The following WWOX variants were observed in gnomAD, a reference collection of about 807,000 sequenced individuals.
The protein encoded by WWOX is WW domain containing oxidoreductase.
WWOX carries 69 observed loss-of-function variants against 46.2 expected under a neutral mutation model. The ratio of observed to expected loss-of-function variants is 1.49; its 90% CI spans 1.23 to 1.82. The LOEUF is 1.82. Among genes scored for constraint, WWOX ranks in the 40% most tolerant of loss-of-function variants. The probability of loss-of-function intolerance (pLI) is 0.00; values close to 1 mark genes in which losing one functional copy is unlikely to be tolerated. For synonymous variants in WWOX, 359 were observed against 202.6 expected (o/e 1.77, Z -6.56); for missense variants, 919 against 542.6 (o/e 1.69, Z -6.89).
intron 4 of WWOX, 73 bp downstream of exon 4, chr16:78,115,227 A>G: frequency 1.3e-6 from 2 of 1,580,700 alleles, no homozygotes; most frequent in Non-Finnish European, 1.7e-6. Context: ...CTATAATGGA[A>G]TTTTGTTTAG....
rs529461129 is a variant in WWOX at position 78,905,164 on chromosome 16, C to T, written c.1057-306444C>T. The stretch of plus-strand genomic sequence containing the variant: ...CTGACCCTCTATGAGGGGTTATACC[C>T]CTGGACACCAAGCTGCTGGCCTGAG... On this transcript the variant is annotated intron_variant, in intron 8 of 8. Transcript: ENST00000566780. Among the ~76,000 whole-genome samples, 3 of 152,186 alleles carry T rather than the reference C, an allele frequency of 2.0e-5. No homozygotes were observed. The South Asian group carries it at 6.2e-4, about 32-fold the overall frequency.
At chr16:78,500,603 G>C (rs1022650877) in intron 8 of WWOX, among the ~76,000 whole-genome samples, 8 of 152,104 alleles carry the variant, frequency 5.3e-5, no homozygotes, top group Non-Finnish European at 1.0e-4. Flanking sequence ...ACTGAGGGTA[G>C]GGTAGGTAGA....
At chr16:78,658,314 T>G (rs2047127126) in intron 8 of WWOX, among the ~76,000 whole-genome samples, 1 of 152,192 alleles carries the variant, frequency 6.6e-6, no homozygotes, top group Non-Finnish European at 1.5e-5. Context: ...AATAATAATA[T>G]AAACTACTAC....
intron 8 of WWOX, among the ~76,000 whole-genome samples, chr16:78,721,739 A>G (rs2048696697): frequency 6.6e-6 from 1 of 152,216 alleles, no homozygotes; most frequent in South Asian, 2.1e-4. Context: ...TTTTCTGGGA[A>G]TCGAATGAGA....
chr16:78,934,722 C>T (rs973551767), intron 8 of WWOX, among the ~76,000 whole-genome samples: 6 of 152,076 alleles, frequency 3.9e-5, no homozygotes, highest in African/African-American at 1.4e-4. Flanking sequence ...AGTGGGGCCA[C>T]AGCAGATTTA....
At chr16:78,360,599 AGTTGC>A (rs1567523917) in intron 5 of WWOX, among the ~76,000 whole-genome samples, 131 of 132,532 alleles carry the variant, frequency 9.9e-4, no homozygotes, top group African/African-American at 1.4e-3. Flanking sequence ...AAAAAAAAAA[AGTTGC>A]AGAAATAGCA....
chr16:79,166,098 C>T lies in WWOX; in HGVS notation c.1057-45510C>T, dbSNP rs576194836. The stretch of plus-strand genomic sequence containing the variant: ...GACCAGCTTTACCTCCCAGCGTAGT[C>T]TTCAGACAAGTTGGGGTATTGCCGA... On this transcript the variant is annotated intron_variant, in intron 8 of 8. Transcript: ENST00000566780. Among the ~76,000 whole-genome samples, 9 of 152,342 alleles carry T rather than the reference C, an allele frequency of 5.9e-5. No individual in the cohort carries two copies. The South Asian group carries it at 1.0e-3, about 18-fold the overall frequency.
intron 5 of WWOX, chr16:78,268,997 G>A (rs1416596322): frequency 6.6e-6 from 1 of 152,038 alleles, no homozygotes; most frequent in Admixed American, 6.5e-5. Flanking sequence ...ACATATATAA[G>A]ATTTTGTTCT....
At chr16:78,390,627 A>G (rs2082156602) in intron 6 of WWOX, among the ~76,000 whole-genome samples, 1 of 152,154 alleles carries the variant, frequency 6.6e-6, no homozygotes, top group African/African-American at 2.4e-5. Context: ...CCAAAGTGAA[A>G]TCTCTCTTGG....
chr16:78,440,160 A>G (rs2083413164), intron 8 of WWOX, among the ~76,000 whole-genome samples: 1 of 152,186 alleles, frequency 6.6e-6, no homozygotes, highest in African/African-American at 2.4e-5. Flanking sequence ...ATACGTATGT[A>G]CATATTTTAA....
Position 78,332,766 on chromosome 16 carries a change from TGCATTCA to T in WWOX, c.517-54092_517-54086del, listed in dbSNP as rs1345463110. On this transcript the variant is annotated intron_variant, in intron 5 of 8. Transcript: ENST00000566780. ...AGTGTGCCTTTTGCTCTGTTAAGTG[TGCATTCA>T]GAACTTTACTAACATGGGTTCCACA... 2.2e-4 allele frequency among the ~76,000 whole-genome samples: 33 copies of T among 152,132 alleles called. 2 individuals carry two copies. The highest frequency in any genetic ancestry group is 6.5e-5 in the Admixed American group (1 of 15,272).
chr16:78,121,643 C>G (rs911974053), intron 4 of WWOX, among the ~76,000 whole-genome samples: 1 of 151,464 alleles, frequency 6.6e-6, no homozygotes, highest in Non-Finnish European at 1.5e-5. Flanking sequence ...ATACAGTAGT[C>G]CCCCCTTATC....
chr16:79,045,652 C>T (rs1567511528), intron 8 of WWOX, among the ~76,000 whole-genome samples: 2 of 152,066 alleles, frequency 1.3e-5, no homozygotes, highest in Admixed American at 1.3e-4. Context: ...CTGAGTTTTG[C>T]ATCTTGGCTC....
At chr16:78,957,876 G>A (rs1181675413) in intron 8 of WWOX, among the ~76,000 whole-genome samples, 1 of 152,128 alleles carries the variant, frequency 6.6e-6, no homozygotes, top group Admixed American at 6.6e-5. Context: ...GGCTGGGCGT[G>A]GGGGGACACA....
At chr16:78,609,978 TTAAG>T (rs2045860769) in intron 8 of WWOX, among the ~76,000 whole-genome samples, 1 of 87,194 alleles carries the variant, frequency 1.1e-5, no homozygotes, top group Non-Finnish European at 2.2e-5. Context: ...CCACCCCCCT[TTAAG>T]TAACAGTGAC....
chr16:78,806,164 T>C (rs1455693049), intron 8 of WWOX, among the ~76,000 whole-genome samples: 1 of 152,236 alleles, frequency 6.6e-6, no homozygotes, highest in African/African-American at 2.4e-5. Context: ...AATTCCCTGA[T>C]ATAATAAGGC....
intron 8 of WWOX, among the ~76,000 whole-genome samples, chr16:78,774,655 C>T (rs763447139): frequency 4.0e-5 from 6 of 151,852 alleles, no homozygotes; most frequent in Non-Finnish European, 7.4e-5. Flanking sequence ...CTCCCAGGCT[C>T]CGGGCAGTTC....
At chr16:78,880,855 A>T (rs1303758563) in intron 8 of WWOX, among the ~76,000 whole-genome samples, 1 of 152,134 alleles carries the variant, frequency 6.6e-6, no homozygotes, top group Non-Finnish European at 1.5e-5. Context: ...GATTCAGAGA[A>T]ATGCTCTGCC....
At chr16:78,712,178 C>T (rs1026376571) in intron 8 of WWOX, among the ~76,000 whole-genome samples, 3 of 152,066 alleles carry the variant, frequency 2.0e-5, no homozygotes, top group African/African-American at 7.2e-5. Context: ...GTGGGATAGG[C>T]TCATTCAGGG....
Sources: allele counts gnomAD v4.1 joint callset (sites outside exome capture counted in the v4.1 genomes callset), GRCh38; gene constraint gnomAD v4.1.1; transcripts MANE v1.5; gene names NCBI Gene and HGNC (gene_info 2026-07-23, HGNC 2026-07-21).